Variants in ADAMTS18 observed in about 807,000 individuals in gnomAD.
ADAMTS18 encodes the protein ADAM metallopeptidase with thrombospondin type 1 motif 18.
Under a neutral mutation model 165.9 loss-of-function variants are expected in ADAMTS18, and 157 were observed. That is an observed-to-expected ratio of 0.95 (90% CI 0.83 to 1.08). ADAMTS18 has a LOEUF of 1.08. Among genes scored for constraint, ADAMTS18 ranks in the 50% least tolerant of loss-of-function variants. ADAMTS18 has a pLI of 0.00. For missense variants in ADAMTS18, 2,040 were observed against 1,534.0 expected (o/e 1.33, Z -5.51); for synonymous variants, 782 against 578.2 (o/e 1.35, Z -5.06).
chr16:77,358,342 G>A (rs574705409), intron 8 of ADAMTS18, among the ~76,000 whole-genome samples: 2 of 152,142 alleles, frequency 1.3e-5, no homozygotes, highest in Non-Finnish European at 2.9e-5. Flanking sequence ...TTGGGAAACC[G>A]AGGTCGGCAG....
At chr16:77,408,967 A>G (rs147033666) in intron 3 of ADAMTS18, among the ~76,000 whole-genome samples, 1 of 152,276 alleles carries the variant, frequency 6.6e-6, no homozygotes, top group African/African-American at 2.4e-5. Context: ...TATATGTTAC[A>G]CTTGTTCTAT....
intron 3 of ADAMTS18, among the ~76,000 whole-genome samples, chr16:77,368,665 C>T (rs1597182238): frequency 6.6e-6 from 1 of 152,044 alleles, no homozygotes; most frequent in Non-Finnish European, 1.5e-5. Context: ...CCTACCTCAG[C>T]CTCCTAAAGT....
At chr16:77,417,627 G>C (rs2057547663) in intron 3 of ADAMTS18, among the ~76,000 whole-genome samples, 1 of 152,202 alleles carries the variant, frequency 6.6e-6, no homozygotes, top group Non-Finnish European at 1.5e-5. Context: ...GCCTCTTCAA[G>C]TATGGCGACT....
In ADAMTS18 at chr16:77,415,725, C is replaced by CAAAAAAAAAA. The variant is rs71137817; in HGVS notation, c.495+15560_495+15569dup. Among the ~76,000 whole-genome samples the CAAAAAAAAAA allele has an allele frequency of 6.3e-4, 64 of 101,912 alleles. 2 individuals are homozygous for CAAAAAAAAAA. The highest frequency in any genetic ancestry group is 1.7e-3 in the African/African-American group (46 of 26,358). 66.9% of individuals were successfully genotyped at this position (101,912 alleles called of 152,430 possible). On this transcript the variant is annotated intron_variant, in intron 3 of 22. Transcript: ENST00000282849. ...ACTGGAGTAATGAATGCTGGGTAGG[C>CAAAAAAAAAA]AAAAAAAAAAAAAAAAATCAGAGGT...
At chr16:77,352,771 A>G (rs1457134287) in intron 10 of ADAMTS18, among the ~76,000 whole-genome samples, 1 of 152,072 alleles carries the variant, frequency 6.6e-6, no homozygotes, top group Admixed American at 6.6e-5. Context: ...GAACTTCCAT[A>G]TTTCTCTTTG....
chr16:77,283,892 G>T lies in ADAMTS18; in HGVS notation c.*64C>A, dbSNP rs773213195. The T allele has an allele frequency of 1.3e-4, 163 of 1,279,330 alleles. No individual in the cohort carries two copies. The highest frequency in any genetic ancestry group is 1.8e-4 in the Non-Finnish European group (154 of 877,060). The allele number at this position is 1,279,330 out of a possible 1,614,324, so 79.2% of individuals were successfully genotyped here. A position where few individuals can be genotyped will look rare whatever the true frequency, so the allele number is the denominator to read the frequency against. ...TGCTCAGCTCCTGGTCTCAAAGGCAGCTGGTCTCTCTAGAGGTTGAAAGGT... is the reference window on the plus strand; with the variant it reads ...TGCTCAGCTCCTGGTCTCAAAGGCATCTGGTCTCTCTAGAGGTTGAAAGGT... On this transcript the variant is annotated 3_prime_UTR_variant, in exon 23 of 23. Transcript: ENST00000282849.
At chr16:77,326,115 A>T in intron 12 of ADAMTS18, 77 bp from the exon 13 acceptor site, 2 of 1,441,824 alleles carry the variant, frequency 1.4e-6, no homozygotes, top group Non-Finnish European at 1.9e-6. Context: ...ATATGAAGAG[A>T]GGCAATGAAG....
chr16:77,377,097 G>A (rs1171102061), intron 3 of ADAMTS18, among the ~76,000 whole-genome samples: 1 of 152,174 alleles, frequency 6.6e-6, no homozygotes, highest in Non-Finnish European at 1.5e-5. Context: ...TTACAGGCAT[G>A]AGCCACCTCA....
Position 77,297,399 on chromosome 16 carries a change from C to T in ADAMTS18, c.2691G>A (p.Lys897=). The T allele has an allele frequency of 1.2e-6, 2 of 1,613,172 alleles. No individual in the cohort carries two copies. The highest frequency in any genetic ancestry group is 1.7e-6 in the Non-Finnish European group (2 of 1,179,160). Residue 897 remains lysine (K), a synonymous_variant, in exon 18 of 23, where the codon AAG becomes AAA. Coordinates refer to ENST00000282849, the MANE Select transcript of ADAMTS18 (RefSeq NM_199355.4). ...TATTTTGATCTCGCAAGCAAATGGC[C>T]TTTACATTTATGTAACCTGGTAAGA... ...VSCGGGYINV[K]AICLRDQNTQ...
At chr16:77,402,128 G>A (rs1456426491) in intron 3 of ADAMTS18, among the ~76,000 whole-genome samples, 1 of 152,048 alleles carries the variant, frequency 6.6e-6, no homozygotes, top group African/African-American at 2.4e-5. Flanking sequence ...TATGTCCTAT[G>A]GGTTCTGTTT....
At chr16:77,344,941 C>T (rs940846291) in intron 10 of ADAMTS18, among the ~76,000 whole-genome samples, 1 of 152,046 alleles carries the variant, frequency 6.6e-6, no homozygotes, top group Non-Finnish European at 1.5e-5. Flanking sequence ...GTACCTCCCC[C>T]CTCTTTTTAC....
intron 10 of ADAMTS18, among the ~76,000 whole-genome samples, chr16:77,351,061 G>C (rs2056548986): frequency 1.3e-5 from 2 of 152,150 alleles, no homozygotes; most frequent in Non-Finnish European, 2.9e-5. Flanking sequence ...TAGACAGGAT[G>C]AATAAGAGAT....
At chr16:77,331,575 A>C (rs1372947648) in intron 12 of ADAMTS18, among the ~76,000 whole-genome samples, 1 of 152,170 alleles carries the variant, frequency 6.6e-6, no homozygotes, top group Non-Finnish European at 1.5e-5. Flanking sequence ...ACTGGGCCTG[A>C]TTACATCTGT....
chr16:77,415,725 C>CAAGAAAAAAAA (rs2057521870), intron 3 of ADAMTS18, among the ~76,000 whole-genome samples: 1 of 102,000 alleles, frequency 9.8e-6, no homozygotes. Flanking sequence ...GCTGGGTAGG[C>CAAGAAAAAAAA]AAAAAAAAAA....
Position 77,367,567 on chromosome 16 carries a change from G to C in ADAMTS18, c.652C>G (p.Pro218Ala). 2 of 1,614,224 alleles carry C rather than the reference G, an allele frequency of 1.2e-6. No individual in the cohort carries two copies. Among genetic ancestry groups the C allele is most frequent in the Non-Finnish European group, 1.7e-6 (2 of 1,180,042 alleles). Residue 218 changes from proline to alanine, a missense_variant, in exon 4 of 23, where the codon CCC becomes GCC. Pro to Ala is a conservative substitution (Grantham distance 27, BLOSUM62 -1). Coordinates refer to ENST00000282849, the MANE Select transcript of ADAMTS18 (RefSeq NM_199355.4). The part of the protein sequence containing the change: ...EEKIQRYRGY[P>A]GSGRNYPGYS... ...CCAGGATAATTCCGGCCAGAGCCGG[G>C]GTAGCCACGGTACCGCTGGATCTTC...
intron 22 of ADAMTS18, among the ~76,000 whole-genome samples, chr16:77,285,756 A>C (rs1039575742): frequency 6.6e-6 from 1 of 152,056 alleles, no homozygotes; most frequent in African/African-American, 2.4e-5. Context: ...ATGACCTTGG[A>C]ATCATTTCTT....
At chr16:77,396,818 AT>A (rs1257325668) in intron 3 of ADAMTS18, among the ~76,000 whole-genome samples, 5 of 125,864 alleles carry the variant, frequency 4.0e-5, no homozygotes, top group Non-Finnish European at 8.9e-5. Flanking sequence ...TTTTTTTTTA[AT>A]TTTTTGAGAC....
chr16:77,331,210 G>T (rs534233608), intron 12 of ADAMTS18, among the ~76,000 whole-genome samples: 4 of 152,230 alleles, frequency 2.6e-5, no homozygotes, highest in South Asian at 4.1e-4. Flanking sequence ...CAATCCTACA[G>T]ATATGAGAGA....
chr16:77,295,391 TG>T (rs2055449892), intron 18 of ADAMTS18, among the ~76,000 whole-genome samples: 1 of 95,556 alleles, frequency 1.0e-5, no homozygotes, highest in African/African-American at 5.3e-5. Context: ...CTTTAAAATC[TG>T]CACAATTCAT....
Sources: allele counts gnomAD v4.1 joint callset (sites outside exome capture counted in the v4.1 genomes callset), GRCh38; gene constraint gnomAD v4.1.1; transcripts MANE v1.5; gene names NCBI Gene and HGNC (gene_info 2026-07-23, HGNC 2026-07-21).